MMP16: variants seen among roughly 807,000 people sequenced by gnomAD.
The protein encoded by MMP16 is matrix metallopeptidase 16.
A neutral mutation model predicts 67.8 loss-of-function variants in MMP16; 12 were observed. That is an observed-to-expected ratio of 0.18 (90% CI 0.11 to 0.29). MMP16 has a LOEUF of 0.29. Among genes scored for constraint, MMP16 ranks in the 10% least tolerant of loss-of-function variants. MMP16 has a pLI of 1.00. For missense variants in MMP16, 475 were observed against 765.7 expected, an observed-to-expected ratio of 0.62 and a Z score of 4.48; for synonymous variants, 249 against 255.9, an observed-to-expected ratio of 0.97 and a Z score of 0.26.
chr8:88,147,587 T>C (rs1808314796), intron 4 of MMP16, among the ~76,000 whole-genome samples: 1 of 151,992 alleles, frequency 6.6e-6, no homozygotes, highest in Non-Finnish European at 1.5e-5. Flanking sequence ...ATCCTAACCT[T>C]GGAAAGAGTT....
Position 88,167,757 on chromosome 8 carries a change from T to A in MMP16, c.621A>T (p.Ala207=). 1 of 1,614,010 alleles carries A rather than the reference T, an allele frequency of 6.2e-7. No homozygotes were observed. Among genetic ancestry groups the A allele is most frequent in the African/African-American group, 1.3e-5 (1 of 75,040 alleles). ...TTCCTGGTCCAGGGAAGTAGGCATGTGCCAAAAATCCTCCCTCTCCATCAA... is the reference window on the plus strand; with the variant it reads ...TTCCTGGTCCAGGGAAGTAGGCATGAGCCAAAAATCCTCCCTCTCCATCAA... ...SPFDGEGGFL[A]HAYFPGPGIG... is the part of the protein sequence containing the mutation. Residue 207 remains alanine, a synonymous_variant, in exon 4 of 10, where the codon GCA becomes GCT. Transcript: ENST00000286614.
chr8:88,129,780 G>A (rs1478244619), intron 4 of MMP16, among the ~76,000 whole-genome samples: 2 of 151,398 alleles, frequency 1.3e-5, no homozygotes, highest in Non-Finnish European at 3.0e-5. Context: ...ATATAATGAT[G>A]TATTTTTTAG....
intron 1 of MMP16, among the ~76,000 whole-genome samples, chr8:88,278,588 T>C (rs1045519723): frequency 1.3e-5 from 2 of 152,206 alleles, no homozygotes; most frequent in African/African-American, 4.8e-5. Flanking sequence ...TGAAACTCTT[T>C]AGTTGGCTTA....
intron 6 of MMP16, among the ~76,000 whole-genome samples, chr8:88,099,543 G>A (rs1370376761): frequency 4.0e-5 from 6 of 151,732 alleles, no homozygotes; most frequent in Admixed American, 3.9e-4. Context: ...GATGAGATGG[G>A]TAGCACAACT....
chr8:88,290,945 T>C (rs1390837820), intron 1 of MMP16, among the ~76,000 whole-genome samples: 1 of 152,252 alleles, frequency 6.6e-6, no homozygotes. Flanking sequence ...ATTCTCCGAT[T>C]CTAATGAGTA....
At chr8:88,260,503 C>A (rs1463374601) in intron 1 of MMP16, among the ~76,000 whole-genome samples, 1 of 151,896 alleles carries the variant, frequency 6.6e-6, no homozygotes, top group Non-Finnish European at 1.5e-5. Flanking sequence ...TATTTTATTT[C>A]CACTTTGTAG....
intron 1 of MMP16, among the ~76,000 whole-genome samples, chr8:88,215,065 C>T (rs1187401377): frequency 2.0e-5 from 3 of 152,294 alleles, no homozygotes; most frequent in Non-Finnish European, 4.4e-5. Context: ...CGCTGTGGCT[C>T]ACGCCTGTAA....
At chr8:88,245,984 T>G (rs1810107614) in intron 1 of MMP16, among the ~76,000 whole-genome samples, 1 of 152,186 alleles carries the variant, frequency 6.6e-6, no homozygotes. Flanking sequence ...AAAAGAAATA[T>G]GAGAGAAAAA....
chr8:88,136,678 C>T (rs1393930815), intron 4 of MMP16, among the ~76,000 whole-genome samples: 2 of 151,222 alleles, frequency 1.3e-5, no homozygotes, highest in African/African-American at 2.4e-5. Flanking sequence ...ATATTAAATA[C>T]ATTAAATAAA....
chr8:88,292,927 C>G (rs780721720), intron 1 of MMP16, among the ~76,000 whole-genome samples: 1 of 152,214 alleles, frequency 6.6e-6, no homozygotes. Context: ...TTTTGAACCC[C>G]TTTGAGAACC....
intron 1 of MMP16, among the ~76,000 whole-genome samples, chr8:88,281,426 A>AC (rs1164558078): frequency 5.9e-5 from 9 of 152,148 alleles, no homozygotes; most frequent in Non-Finnish European, 1.3e-4. Context: ...GGAAGGTGAA[A>AC]CCCATTTTCA....
chr8:88,258,236 T>G (rs779306881), intron 1 of MMP16, among the ~76,000 whole-genome samples: 1 of 152,186 alleles, frequency 6.6e-6, no homozygotes, highest in Non-Finnish European at 1.5e-5. Context: ...CTAACACCTC[T>G]GCTGTGTTAA....
At chr8:88,146,387 A>G (rs1423397768) in intron 4 of MMP16, among the ~76,000 whole-genome samples, 4 of 151,842 alleles carry the variant, frequency 2.6e-5, no homozygotes, top group Admixed American at 2.6e-4. Context: ...TCCTTATTCT[A>G]CTCTTCTACC....
rs1808397336 is a variant in MMP16, at chr8:88,151,066, G to GA, written c.709+16602_709+16603insT. ...AAAAAAGGCAGGGGTTGCAATCCTAGTCTCTGATAAAACAGACTTTAAACC... is the reference window on the plus strand; with the variant it reads ...AAAAAAGGCAGGGGTTGCAATCCTAGATCTCTGATAAAACAGACTTTAAACC... On this transcript the variant is annotated intron_variant, in intron 4 of 9. Coordinates refer to ENST00000286614, the MANE Select transcript of MMP16 (RefSeq NM_005941.5). Among the ~76,000 whole-genome samples the GA allele has an allele frequency of 2.4e-5, 3 of 127,210 alleles. No individual in the cohort carries two copies. In the South Asian group the frequency reaches 9.1e-4, roughly 39 times the overall value. 83.5% of individuals were successfully genotyped at this position (127,210 alleles called of 152,430 possible). A position where few individuals can be genotyped will look rare whatever the true frequency, so the allele number is the denominator to read the frequency against.
chr8:88,220,138 A>G (rs1440682464), intron 1 of MMP16, among the ~76,000 whole-genome samples: 1 of 152,110 alleles, frequency 6.6e-6, no homozygotes, highest in Non-Finnish European at 1.5e-5. Flanking sequence ...ATATATAGAA[A>G]TTCTTAAAAA....
At chr8:88,242,731 A>G (rs1191539288) in intron 1 of MMP16, among the ~76,000 whole-genome samples, 1 of 152,198 alleles carries the variant, frequency 6.6e-6, no homozygotes, top group Non-Finnish European at 1.5e-5. Flanking sequence ...GCAGAACTCT[A>G]TTATGGACAA....
intron 1 of MMP16, among the ~76,000 whole-genome samples, chr8:88,315,833 T>C (rs903626463): frequency 2.6e-5 from 4 of 152,216 alleles, no homozygotes; most frequent in Admixed American, 6.5e-5. Flanking sequence ...AAAGCCAAGA[T>C]AGGCCAAGAG....
chr8:88,120,164 T>C (rs1807794604), intron 4 of MMP16, among the ~76,000 whole-genome samples: 1 of 151,440 alleles, frequency 6.6e-6, no homozygotes, highest in Admixed American at 6.6e-5. Context: ...CTAGGGAACA[T>C]CATAGTCATA....
chr8:88,158,492 C>A (rs79637940), intron 4 of MMP16, among the ~76,000 whole-genome samples: 337 of 152,222 alleles, frequency 2.2e-3, no homozygotes, highest in African/African-American at 7.8e-3. Flanking sequence ...GATTCATATC[C>A]TTTGCCCACT....
Sources: allele counts gnomAD v4.1 joint callset (sites outside exome capture counted in the v4.1 genomes callset), GRCh38; gene constraint gnomAD v4.1.1; transcripts MANE v1.5; gene names NCBI Gene and HGNC (gene_info 2026-07-23, HGNC 2026-07-21).